PCLO: variants seen among roughly 807,000 people sequenced by gnomAD.
PCLO encodes piccolo presynaptic cytomatrix protein.
Under a neutral mutation model 427.5 loss-of-function variants are expected in PCLO, and 82 were observed. That is an observed-to-expected ratio of 0.19 (90% confidence interval 0.16 to 0.23). The LOEUF is 0.23. Ranked by LOEUF, PCLO falls within the 10% of genes least tolerant of loss-of-function variation. The pLI is 1.00. For synonymous variants in PCLO, 2,357 were observed against 2,155.4 expected, an observed-to-expected ratio of 1.09 and a Z score of -2.59; for missense variants, 6,239 against 6,115.9, an observed-to-expected ratio of 1.02 and a Z score of -0.67.
Position 82,915,678 on chromosome 7 carries a change from C to T in PCLO, c.12308G>A (p.Arg4103Lys), listed in dbSNP as rs371168503. ...CTCCGCCTTCACATAACTATGCAATCTAGAGGAAGACTGTAAAGGTGCTAG... is the reference window on the plus strand; with the variant it reads ...CTCCGCCTTCACATAACTATGCAATTTAGAGGAAGACTGTAAAGGTGCTAG... ...DFLAPLQSSS[R>K]LHSYVKAEED... Residue 4103 changes from arginine to lysine, a missense_variant, in exon 7 of 25, where the codon AGA becomes AAA. Transcript: ENST00000333891. 57 of 1,612,938 alleles carry T rather than the reference C, an allele frequency of 3.5e-5. No individual in the cohort carries two copies. The highest frequency in any genetic ancestry group is 4.7e-5 in the Non-Finnish European group (55 of 1,179,522).
At chr7:82,845,771 G>T (rs1792485862) in intron 12 of PCLO, among the ~76,000 whole-genome samples, 1 of 152,034 alleles carries the variant, frequency 6.6e-6, no homozygotes, top group Non-Finnish European at 1.5e-5. Context: ...TTTGAATGAT[G>T]CAATATCCTA....
In PCLO at chr7:83,150,076, A is replaced by C. The variant is rs545638531; in HGVS notation, c.1893+4672T>G. 2.0e-5 allele frequency among the ~76,000 whole-genome samples: 3 copies of C among 152,336 alleles called. No homozygotes were observed. In the South Asian group the frequency reaches 6.2e-4, roughly 32 times the overall value. On this transcript the variant is annotated intron_variant, in intron 2 of 24. Transcript: ENST00000333891. ...CATTTTCAACATTCTGAAAAGTGAT[A>C]AGTCGTTTTCATTTATTATGAAATT...
intron 16 of PCLO, among the ~76,000 whole-genome samples, chr7:82,829,356 T>G (rs1792032237): frequency 6.6e-6 from 1 of 152,146 alleles, no homozygotes; most frequent in Non-Finnish European, 1.5e-5. Flanking sequence ...ACTTGATTAG[T>G]CTGGGATGAG....
chr7:83,044,629 G>T (rs1789061246), intron 3 of PCLO, among the ~76,000 whole-genome samples: 1 of 151,930 alleles, frequency 6.6e-6, no homozygotes, highest in African/African-American at 2.4e-5. Flanking sequence ...TTTGTTGAGG[G>T]TTACATAATG....
At chr7:82,914,057 C>A (rs982312939) in intron 7 of PCLO, among the ~76,000 whole-genome samples, 1 of 151,896 alleles carries the variant, frequency 6.6e-6, no homozygotes, top group East Asian at 1.9e-4. Flanking sequence ...TGCAAAATTA[C>A]AAATTTGTAA....
intron 10 of PCLO, among the ~76,000 whole-genome samples, chr7:82,875,197 G>T (rs1453034350): frequency 1.3e-5 from 2 of 152,060 alleles, no homozygotes; most frequent in Non-Finnish European, 2.9e-5. Flanking sequence ...GTTCTTTCAG[G>T]AAATCATTGT....
At chr7:82,834,955 TGTTTG>T (rs772049253) in intron 16 of PCLO, among the ~76,000 whole-genome samples, 19 of 149,902 alleles carry the variant, frequency 1.3e-4, no homozygotes, top group Admixed American at 4.0e-4. Context: ...TCTTTTTTTT[TGTTTG>T]TTTGTTTGTT....
At chr7:82,876,753 G>A (rs28384079) in intron 10 of PCLO, among the ~76,000 whole-genome samples, 9,464 of 152,006 alleles carry the variant, frequency 0.062, 987 homozygotes, top group African/African-American at 0.21. Flanking sequence ...AGACAGTATC[G>A]TGAATCTAAT....
intron 22 of PCLO, among the ~76,000 whole-genome samples, chr7:82,789,521 C>G (rs1038198481): frequency 2.0e-5 from 3 of 152,098 alleles, no homozygotes; most frequent in African/African-American, 4.8e-5. Flanking sequence ...GCCTGGCCAA[C>G]ATGGTGAAAC....
chr7:82,971,830 G>A (rs1795914239), intron 3 of PCLO, among the ~76,000 whole-genome samples: 1 of 150,310 alleles, frequency 6.7e-6, no homozygotes. Context: ...AGATGCTTAA[G>A]GAGGCTTTAA....
chr7:83,040,433 T>C (rs1180063648), intron 3 of PCLO, among the ~76,000 whole-genome samples: 1 of 152,132 alleles, frequency 6.6e-6, no homozygotes, highest in East Asian at 1.9e-4. Context: ...TTGCAGCGGA[T>C]TTTTCTGTTG....
intron 16 of PCLO, among the ~76,000 whole-genome samples, chr7:82,830,316 A>G (rs1315310634): frequency 1.3e-5 from 2 of 151,884 alleles, no homozygotes; most frequent in Non-Finnish European, 2.9e-5. Context: ...TGTTCCTTTA[A>G]ATTTAGTTTT....
At chr7:82,810,774 T>G in intron 20 of PCLO, among the ~76,000 whole-genome samples, 1 of 151,760 alleles carries the variant, frequency 6.6e-6, no homozygotes, top group African/African-American at 2.4e-5. Context: ...TCAATTAGTT[T>G]GCTCTGTTGG....
chr7:82,858,194 T>TA (rs1562821782), intron 10 of PCLO, among the ~76,000 whole-genome samples: 1 of 151,934 alleles, frequency 6.6e-6, no homozygotes, highest in Admixed American at 6.6e-5. Flanking sequence ...TGCTACACAT[T>TA]AAAAAAATGA....
intron 14 of PCLO, among the ~76,000 whole-genome samples, chr7:82,840,920 C>T (rs1197673424): frequency 6.6e-6 from 1 of 151,558 alleles, no homozygotes; most frequent in Non-Finnish European, 1.5e-5. Context: ...TATCAAAACA[C>T]AGAGAGAATT....
At chr7:82,854,761 T>C (rs1417652384) in intron 10 of PCLO, among the ~76,000 whole-genome samples, 4 of 152,156 alleles carry the variant, frequency 2.6e-5, no homozygotes, top group Admixed American at 2.0e-4. Flanking sequence ...GAAGGTAAAT[T>C]CTGTATTTGA....
Position 82,953,848 on chromosome 7 carries a change from G to T in PCLO, c.7105C>A (p.Gln2369Lys). 1 of 1,613,384 alleles carries T rather than the reference G, an allele frequency of 6.2e-7. No homozygotes were observed. Among genetic ancestry groups the T allele is most frequent in the Non-Finnish European group, 8.5e-7 (1 of 1,179,582 alleles). ...GGTAACTGAGATGCAGGTTTTTCCT[G>T]ACCAAAGGTCTCTCCAGATGTAAAG... ...TYFTSGETFG[Q>K]EKPASQLPSG... The change falls in exon 5 of 25, where the codon CAG becomes AAG. Residue 2369 changes from glutamine to lysine, a missense_variant. Around this residue, in one of 5 missense-constraint regions of PCLO, gnomAD observed 4,677 missense variants for 4,468.4 expected, o/e 1.05. Transcript: ENST00000333891.
chr7:82,916,325 TTG>T lies in PCLO; in HGVS notation c.11659_11660del (p.Gln3887IlefsTer23), dbSNP rs1794461741. On this transcript the variant is annotated frameshift_variant, in exon 7 of 25. Coordinates refer to ENST00000333891, the MANE Select transcript of PCLO (RefSeq NM_033026.6). LOFTEE classifies it high-confidence loss of function. ...QLVPPTSPYT[Q>X]YQYSSPALPT... ...GAAGAGCAGGGGAAGAGTACTGGTA[TTG>T]TGTGTAAGGACTTGTCGGAGGAACT... The T allele has an allele frequency of 6.2e-7, 1 of 1,613,484 alleles. No individual in the cohort carries two copies. Among genetic ancestry groups the T allele is most frequent in the African/African-American group, 1.3e-5 (1 of 74,836 alleles).
At chr7:82,964,590 AT>A (rs1562887836) in intron 4 of PCLO, among the ~76,000 whole-genome samples, 2 of 152,198 alleles carry the variant, frequency 1.3e-5, no homozygotes, top group African/African-American at 2.4e-5. Flanking sequence ...TTCATAAAGT[AT>A]GATCAGAAAG....
Sources: allele counts gnomAD v4.1 joint callset (sites outside exome capture counted in the v4.1 genomes callset), GRCh38; gene constraint gnomAD v4.1.1; regional missense constraint gnomAD v4.1.1; transcripts MANE v1.5; gene names NCBI Gene and HGNC (gene_info 2026-07-23, HGNC 2026-07-21).